The following IQCM variants were observed in gnomAD, a reference collection of about 807,000 sequenced individuals.
The protein encoded by IQCM is IQ domain-containing protein M.
In IQCM, 45 loss-of-function variants were observed where a neutral mutation model predicts 57.6. The observed-to-expected ratio is 0.78, with a 90% CI of 0.62 to 1.00. The LOEUF (loss-of-function observed/expected upper bound fraction) is 1.00. Ranked by LOEUF, IQCM falls within the 50% of genes least tolerant of loss-of-function variation. IQCM has a pLI of 0.00. For missense variants in IQCM, 468 were observed against 511.6 expected (o/e 0.91, Z 0.82); for synonymous variants, 148 against 158.9 (o/e 0.93, Z 0.51).
intron 2 of IQCM, among the ~76,000 whole-genome samples, chr4:149,779,341 GA>G (rs79349613): frequency 0.13 from 19,196 of 152,106 alleles, 2,629 homozygotes; most frequent in African/African-American, 0.3. Flanking sequence ...AAAGTGGGAA[GA>G]ATTAAAGTAT....
intron 2 of IQCM, among the ~76,000 whole-genome samples, chr4:149,762,749 T>C (rs192380810): frequency 1.4e-3 from 219 of 152,160 alleles, no homozygotes; most frequent in African/African-American, 5.2e-3. Context: ...GCCTATTCAA[T>C]TGTAAGTCAG....
intron 13 of IQCM, among the ~76,000 whole-genome samples, chr4:149,367,990 C>T (rs941577530): frequency 1.3e-5 from 2 of 151,886 alleles, no homozygotes; most frequent in Non-Finnish European, 2.9e-5. Context: ...TAGATTGTGT[C>T]CTTGTTCTCT....
chr4:149,446,042 T>C (rs1736471837), intron 12 of IQCM, among the ~76,000 whole-genome samples: 2 of 151,804 alleles, frequency 1.3e-5, no homozygotes, highest in Non-Finnish European at 2.9e-5. Context: ...TATCTTACTT[T>C]CAGATAAATC....
intron 13 of IQCM, among the ~76,000 whole-genome samples, chr4:149,354,180 C>G (rs1037801226): frequency 6.7e-6 from 1 of 149,950 alleles, no homozygotes; most frequent in East Asian, 2.0e-4. Flanking sequence ...CCGGCTAAAA[C>G]GGTGAAACCC....
intron 13 of IQCM, among the ~76,000 whole-genome samples, chr4:149,410,729 T>G (rs1389409070): frequency 6.6e-5 from 10 of 152,024 alleles, no homozygotes; most frequent in Non-Finnish European, 5.9e-5. Context: ...AAGTCAGACT[T>G]CTATCTTTAT....
intron 12 of IQCM, among the ~76,000 whole-genome samples, chr4:149,508,432 C>T (rs925017737): frequency 3.3e-5 from 5 of 152,306 alleles, no homozygotes; most frequent in East Asian, 1.9e-4. Flanking sequence ...TGGGAACCCA[C>T]CTCTTGCATC....
chr4:149,770,312 AC>A (rs1327028540), intron 2 of IQCM, among the ~76,000 whole-genome samples: 2 of 152,096 alleles, frequency 1.3e-5, no homozygotes, highest in Non-Finnish European at 2.9e-5. Context: ...TAGCTTTTTC[AC>A]AAACAAAGCT....
intron 5 of IQCM, among the ~76,000 whole-genome samples, chr4:149,723,749 T>C (rs1356934825): frequency 6.6e-6 from 1 of 151,982 alleles, no homozygotes; most frequent in Non-Finnish European, 1.5e-5. Flanking sequence ...TGTAGTTTTG[T>C]TGTTGTTGTT....
At chr4:149,620,097 C>T (rs549194795) in intron 8 of IQCM, among the ~76,000 whole-genome samples, 5 of 152,018 alleles carry the variant, frequency 3.3e-5, no homozygotes, top group South Asian at 2.1e-4. Flanking sequence ...GTGGAGGTTG[C>T]GGTGAGCTGA....
intron 13 of IQCM, among the ~76,000 whole-genome samples, chr4:149,403,078 C>G (rs1346268963): frequency 6.6e-5 from 10 of 151,934 alleles, no homozygotes. Context: ...GCATCACAAA[C>G]ATATCCAGCA....
chr4:149,469,845 A>C (rs1005046548), intron 12 of IQCM, among the ~76,000 whole-genome samples: 15 of 152,254 alleles, frequency 9.9e-5, no homozygotes, highest in African/African-American at 2.9e-4. Context: ...AAGAATTTTC[A>C]ACCCAGAATT....
chr4:149,381,241 T>C (rs1731055023), intron 13 of IQCM, among the ~76,000 whole-genome samples: 1 of 152,122 alleles, frequency 6.6e-6, no homozygotes, highest in Admixed American at 6.6e-5. Flanking sequence ...TAAGCCATTA[T>C]TTTTTCCTGC....
At chr4:149,595,371 T>C (rs1469653552) in intron 8 of IQCM, among the ~76,000 whole-genome samples, 2 of 152,168 alleles carry the variant, frequency 1.3e-5, no homozygotes, top group Non-Finnish European at 2.9e-5. Flanking sequence ...TTAAACAACC[T>C]TGTGACCCTA....
intron 12 of IQCM, among the ~76,000 whole-genome samples, chr4:149,494,315 G>T (rs1046539969): frequency 3.9e-5 from 6 of 151,980 alleles, no homozygotes; most frequent in African/African-American, 1.4e-4. Context: ...GGAATATAAA[G>T]AAAAATAACC....
At chr4:149,527,092 T>C (rs1041387878) in intron 12 of IQCM, among the ~76,000 whole-genome samples, 2 of 152,168 alleles carry the variant, frequency 1.3e-5, no homozygotes, top group African/African-American at 4.8e-5. Context: ...GGAATCAGCA[T>C]ATCAACTTGC....
At chr4:149,707,217 C>T (rs968795777) in intron 5 of IQCM, among the ~76,000 whole-genome samples, 7 of 152,034 alleles carry the variant, frequency 4.6e-5, no homozygotes, top group African/African-American at 1.7e-4. Context: ...ACTAAGAATG[C>T]TATGCTGCAG....
At chr4:149,549,778 T>G (rs1748846055) in intron 11 of IQCM, among the ~76,000 whole-genome samples, 1 of 152,164 alleles carries the variant, frequency 6.6e-6, no homozygotes, top group Non-Finnish European at 1.5e-5. Flanking sequence ...AGAAGTTATA[T>G]CATCCTGGCA....
In IQCM at chr4:149,546,256, T is replaced by G. The variant is rs544083009; in HGVS notation, c.1228+2199A>C. 2.6e-5 allele frequency among the ~76,000 whole-genome samples: 4 copies of G among 152,344 alleles called. No homozygotes were observed. The South Asian group carries it at 8.3e-4, about 32-fold the overall frequency. On this transcript the variant is annotated intron_variant, in intron 12 of 13. Coordinates refer to ENST00000636793, the MANE Select transcript of IQCM (RefSeq NM_001363507.2). ...GGTTGCTTCCAAGTCTTTGCTATTG[T>G]GAATAGTGCCACAATAAACATACAT...
chr4:149,562,803 A>G (rs1219142827), intron 10 of IQCM, among the ~76,000 whole-genome samples: 1 of 152,194 alleles, frequency 6.6e-6, no homozygotes, highest in East Asian at 1.9e-4. Flanking sequence ...GTAAAAATTT[A>G]TACCCAGAGA....
Sources: gnomAD v4.1 joint callset for allele counts (sites outside exome capture counted in the v4.1 genomes callset) on GRCh38, gnomAD v4.1.1 for gene constraint, MANE v1.5 for transcripts, NCBI Gene and HGNC (gene_info 2026-07-23, HGNC 2026-07-21) for gene names.